Variants in SRCAP observed in about 807,000 individuals in gnomAD.
The protein encoded by SRCAP is chromatin remodeling protein SRCAP.
SRCAP carries 46 observed loss-of-function variants against 263.1 expected under a neutral mutation model. The observed-to-expected ratio is 0.17, with a 90% CI of 0.14 to 0.22. The LOEUF (loss-of-function observed/expected upper bound fraction) is 0.22. Among genes scored for constraint, SRCAP ranks in the 10% least tolerant of loss-of-function variants. The pLI, the probability that SRCAP is intolerant of heterozygous loss-of-function variation, is 1.00. For missense variants in SRCAP, 3,695 were observed against 4,181.9 expected, an observed-to-expected ratio of 0.88 and a Z score of 3.21; for synonymous variants, 1,813 against 1,662.1, an observed-to-expected ratio of 1.09 and a Z score of -2.21.
chr16:30,704,356 C>A (rs200775327), intron 4 of SRCAP, 41 bp downstream of exon 4: 33 of 1,539,518 alleles, frequency 2.1e-5, no homozygotes, highest in Non-Finnish European at 2.7e-5. Flanking sequence ...TGGGAGTTAT[C>A]TTCCGTAAAC....
At chr16:30,734,397 G>T (rs1282127785) in intron 30 of SRCAP, 99 bp from the exon 31 acceptor site, 2 of 1,543,718 alleles carry the variant, frequency 1.3e-6, no homozygotes, top group East Asian at 2.3e-5. Context: ...TCTTCAACCA[G>T]TGGTACCCCT....
chr16:30,730,159 G>A (rs1268871535), intron 27 of SRCAP, among the ~76,000 whole-genome samples: 2 of 152,182 alleles, frequency 1.3e-5, no homozygotes, highest in African/African-American at 2.4e-5. Flanking sequence ...CTAATCATTT[G>A]GGATACAATA....
rs369935740 is a variant in SRCAP at position 30,739,293 on chromosome 16, A to G, written c.9253A>G (p.Met3085Val). The change falls in exon 34 of 34, where the codon ATG becomes GTG. Residue 3085 changes from methionine to valine, a missense_variant. By Grantham distance (21) the Met-to-Val change is conservative. Transcript: ENST00000262518. ...GMRGRKSGGS[M>V]VVAVIQDDLD... ...GCGAGGACGGAAGAGTGGAGGGTCC[A>G]TGGTGGTGGCTGTAATTCAGGATGA... 186 of 1,614,026 alleles carry G rather than the reference A, an allele frequency of 1.2e-4. 3 individuals are homozygous for G. Among genetic ancestry groups the G allele is most frequent in the South Asian group, 8.8e-5 (8 of 91,090 alleles).
chr16:30,739,259 A>G lies in SRCAP; in HGVS notation c.9219A>G (p.Ala3073=), dbSNP rs753823800. 1.2e-6 allele frequency: 2 copies of G among 1,613,952 alleles called. No individual in the cohort carries two copies. The highest frequency in any genetic ancestry group is 2.2e-5 in the East Asian group (1 of 44,880). The change falls in exon 34 of 34, where the codon GCA becomes GCG. Residue 3073 remains alanine, a synonymous_variant. Transcript: ENST00000262518. ...GCCTGGCCCGCCTTCGGCTTGAAGC[A>G]GAAGGAATGCGAGGACGGAAGAGTG... ...LTRLARLRLE[A]EGMRGRKSGG...
chr16:30,712,793 A>G lies in SRCAP; in HGVS notation c.2108A>G (p.Lys703Arg). The G allele has an allele frequency of 6.2e-7, 1 of 1,614,126 alleles. No individual in the cohort carries two copies. Among genetic ancestry groups the G allele is most frequent in the Non-Finnish European group, 8.5e-7 (1 of 1,180,002 alleles). ...FKILTYYGAQ[K>R]ERKLKRQGWT... is the part of the protein sequence containing the mutation. ...ATCCTCACTTACTATGGAGCCCAGA[A>G]AGAGAGGAAGCTCAAGCGGCAGGTT... Residue 703 changes from lysine to arginine, a missense_variant, in exon 14 of 34, where the codon AAA becomes AGA. By Grantham distance (26) the Lys-to-Arg change is conservative (BLOSUM62 2). Coordinates refer to ENST00000262518, the MANE Select transcript of SRCAP (RefSeq NM_006662.3).
At position 30,739,729 on chromosome 16, in the gene SRCAP, C is replaced by T. The variant is rs901265656; in HGVS notation, c.9689C>T (p.Thr3230Met). 9 of 1,472,134 alleles carry T rather than the reference C, an allele frequency of 6.1e-6. No individual in the cohort carries two copies. Among genetic ancestry groups the T allele is most frequent in the South Asian group, 1.4e-5 (1 of 71,698 alleles). The allele number at this position is 1,472,134 out of a possible 1,614,324, so 91.2% of individuals were successfully genotyped here. A position where few individuals can be genotyped will look rare whatever the true frequency, so the allele number is the denominator to read the frequency against. Reference sequence around the variant, plus strand: ...AGTCACAGAGGCCGCAAGGCCAAGACGTGAGTGGGCTGCCCCTCCACCTAG... The same window carrying T: ...AGTCACAGAGGCCGCAAGGCCAAGATGTGAGTGGGCTGCCCCTCCACCTAG... ...AVSHRGRKAK[T>M] Residue 3230 changes from threonine to methionine, a missense_variant, in exon 34 of 34, where the codon ACG becomes ATG. Thr to Met is a moderately conservative substitution (Grantham distance 81, BLOSUM62 -1). Around this residue, in one of 12 missense-constraint regions of SRCAP, gnomAD observed 1,207 missense variants for 1,142.9 expected, o/e 1.06. Transcript: ENST00000262518.
In SRCAP at chr16:30,738,977, A is replaced by G. The variant is rs765814249; in HGVS notation, c.8937A>G (p.Pro2979=). 5.0e-6 allele frequency: 8 copies of G among 1,613,454 alleles called. No homozygotes were observed. The highest frequency in any genetic ancestry group is 6.8e-6 in the Non-Finnish European group (8 of 1,179,674). The change falls in exon 34 of 34, where the codon CCA becomes CCG. Residue 2979 remains proline (P), a synonymous_variant. Coordinates refer to ENST00000262518, the MANE Select transcript of SRCAP (RefSeq NM_006662.3). ...PPHPSPLTPL[P]PLLVCPTATV... ...ACCCATCACCCCTAACCCCACTCCC[A>G]CCACTGCTAGTTTGTCCCACTGCTA...
intron 27 of SRCAP, among the ~76,000 whole-genome samples, chr16:30,730,519 C>T (rs566049321): frequency 2.0e-5 from 3 of 152,222 alleles, no homozygotes; most frequent in African/African-American, 7.2e-5. Context: ...GCAACTTCCG[C>T]CTCCTGGGTT....
chr16:30,736,985 A>G, intron 33 of SRCAP, 64 bp from the exon 34 acceptor site: 2 of 1,504,996 alleles, frequency 1.3e-6, no homozygotes, highest in African/African-American at 1.4e-5. Context: ...GGAAGCTGCT[A>G]ATTTCTACTC....
chr16:30,721,556 G>A, intron 21 of SRCAP, 80 bp downstream of exon 21: 3 of 1,522,916 alleles, frequency 2.0e-6, no homozygotes, highest in South Asian at 1.2e-5. Flanking sequence ...ATTTTAGGCA[G>A]CTGGGTCAGG....
intron 6 of SRCAP, among the ~76,000 whole-genome samples, chr16:30,708,801 A>G (rs2052855562): frequency 6.6e-6 from 1 of 152,082 alleles, no homozygotes. Flanking sequence ...AGTGTGAGCC[A>G]CTATGCCTGG....
intron 5 of SRCAP, 43 bp downstream of exon 5, chr16:30,707,411 C>G (rs1247731647): frequency 6.2e-7 from 1 of 1,607,258 alleles, no homozygotes; most frequent in Non-Finnish European, 8.5e-7. Context: ...CTTTTCAGGT[C>G]TGTTCCTTCC....
At chr16:30,712,205 T>C (rs2151288625) in intron 12 of SRCAP, 48 bp downstream of exon 12, 1 of 1,602,712 alleles carries the variant, frequency 6.2e-7, no homozygotes, top group South Asian at 1.1e-5. Context: ...GACTTTCTCA[T>C]GTCCCCACAA....
intron 16 of SRCAP, among the ~76,000 whole-genome samples, chr16:30,714,498 C>T (rs73538407): frequency 0.01 from 445 of 43,166 alleles, 4 homozygotes; most frequent in African/African-American, 0.028. Context: ...TGTGAGCCAC[C>T]GTGCCGGGCT....
At chr16:30,720,022 A>G in intron 18 of SRCAP, 140 bp from the exon 19 acceptor site, 1 of 883,144 alleles carries the variant, frequency 1.1e-6, no homozygotes, top group Non-Finnish European at 1.8e-6. Flanking sequence ...TTTAGCTCCC[A>G]CTTGTGAGTG....
intron 8 of SRCAP, 45 bp downstream of exon 8, chr16:30,710,173 G>A (rs2052872175): frequency 1.9e-6 from 3 of 1,585,184 alleles, no homozygotes; most frequent in East Asian, 4.5e-5. Flanking sequence ...GGGGAACAGA[G>A]GGAGAGGTTC....
chr16:30,710,279 C>A, intron 8 of SRCAP, 151 bp downstream of exon 8: 1 of 850,308 alleles, frequency 1.2e-6, no homozygotes, highest in South Asian at 1.8e-5. Context: ...GGGGAAGAAT[C>A]TGTTTGGGGC....
intron 24 of SRCAP, 78 bp downstream of exon 24, chr16:30,723,307 T>C: frequency 6.6e-7 from 1 of 1,514,662 alleles, no homozygotes; most frequent in Non-Finnish European, 8.8e-7. Flanking sequence ...TTTCTTAGTT[T>C]TAGTACAGGT....
Position 30,720,764 on chromosome 16 carries a change from C to T in SRCAP, c.3039C>T (p.Asn1013=). Residue 1013 remains asparagine (N), a synonymous_variant, in exon 20 of 34, where the codon AAC becomes AAT. Transcript: ENST00000262518. Reference sequence around the variant, plus strand: ...AAGGCCGGACAGTGGTGGTGGTGAACAACCCACGGGCGCCCCTGGGCCCTG... The same window carrying T: ...AAGGCCGGACAGTGGTGGTGGTGAATAACCCACGGGCGCCCCTGGGCCCTG... ...KQEGRTVVVV[N]NPRAPLGPVP... The T allele has an allele frequency of 6.2e-7, 1 of 1,613,578 alleles. No individual in the cohort carries two copies. The highest frequency in any genetic ancestry group is 8.5e-7 in the Non-Finnish European group (1 of 1,179,786).
Sources: gnomAD v4.1 joint callset for allele counts (sites outside exome capture counted in the v4.1 genomes callset) on GRCh38, gnomAD v4.1.1 for gene constraint, gnomAD v4.1.1 regional missense constraint, MANE v1.5 for transcripts, NCBI Gene and HGNC (gene_info 2026-07-23, HGNC 2026-07-21) for gene names.